FRMD4B: variants seen among roughly 807,000 people sequenced by gnomAD.
The protein encoded by FRMD4B is FERM domain containing 4B.
A neutral mutation model predicts 141.5 loss-of-function variants in FRMD4B; 74 were observed. The ratio of observed to expected loss-of-function variants is 0.52; its 90% CI spans 0.43 to 0.63. The LOEUF (loss-of-function observed/expected upper bound fraction) is 0.63, where lower values mean the gene tolerates loss of function less well. FRMD4B is among the 30% of genes least tolerant of loss of function. The probability of loss-of-function intolerance (pLI) is 0.00; values close to 1 mark genes in which losing one functional copy is unlikely to be tolerated. For synonymous variants in FRMD4B, 506 were observed against 467.9 expected (o/e 1.08, Z -1.05); for missense variants, 1,366 against 1,253.4 (o/e 1.09, Z -1.36).
intron 1 of FRMD4B, among the ~76,000 whole-genome samples, chr3:69,356,980 C>T (rs1053548312): frequency 1.3e-5 from 2 of 152,134 alleles, no homozygotes; most frequent in African/African-American, 4.8e-5. Flanking sequence ...ACAAAAATAT[C>T]CTATCTAATA....
At chr3:69,357,372 G>A (rs1320939207) in intron 1 of FRMD4B, among the ~76,000 whole-genome samples, 1 of 152,196 alleles carries the variant, frequency 6.6e-6, no homozygotes, top group Non-Finnish European at 1.5e-5. Flanking sequence ...GTAGACTTGG[G>A]GAGCCCTGTT....
At chr3:69,207,357 A>C (rs984292470) in intron 11 of FRMD4B, among the ~76,000 whole-genome samples, 5 of 151,008 alleles carry the variant, frequency 3.3e-5, no homozygotes, top group African/African-American at 7.3e-5. Context: ...TTTACTGTTT[A>C]TGCCTCTTCA....
chr3:69,236,591 G>A (rs998153124), intron 7 of FRMD4B, among the ~76,000 whole-genome samples: 14 of 152,048 alleles, frequency 9.2e-5, no homozygotes, highest in African/African-American at 2.9e-4. Flanking sequence ...AGTCATTTTC[G>A]GCAGAACCTT....
intron 5 of FRMD4B, among the ~76,000 whole-genome samples, chr3:69,256,103 A>T (rs2093491030): frequency 6.6e-6 from 1 of 152,100 alleles, no homozygotes; most frequent in African/African-American, 2.4e-5. Flanking sequence ...CCTTAAAAAA[A>T]ATAAAAGGTT....
At chr3:69,451,788 A>G (rs931090338) in intron 1 of FRMD4B, among the ~76,000 whole-genome samples, 6 of 152,168 alleles carry the variant, frequency 3.9e-5, no homozygotes, top group Non-Finnish European at 1.5e-5. Context: ...TTAAAAAAAC[A>G]CCAGTCCCAG....
At chr3:69,446,911 G>A (rs1372684227) in intron 1 of FRMD4B, among the ~76,000 whole-genome samples, 2 of 152,180 alleles carry the variant, frequency 1.3e-5, no homozygotes, top group East Asian at 3.9e-4. Context: ...GGGAATGATT[G>A]TGTAGGTAGT....
chr3:69,524,793 T>C (rs1009986498), intron 1 of FRMD4B, among the ~76,000 whole-genome samples: 1 of 152,218 alleles, frequency 6.6e-6, no homozygotes, highest in Admixed American at 6.5e-5. Flanking sequence ...CTTGGTCACA[T>C]GGCCACACCA....
At chr3:69,315,646 A>T (rs1440160794) in intron 1 of FRMD4B, among the ~76,000 whole-genome samples, 2 of 152,238 alleles carry the variant, frequency 1.3e-5, no homozygotes, top group Admixed American at 1.3e-4. Flanking sequence ...GTCAGCACAT[A>T]TAGATGGACC....
chr3:69,172,109 A>C, intron 22 of FRMD4B, 128 bp from the exon 23 acceptor site: 1 of 748,460 alleles, frequency 1.3e-6, no homozygotes, highest in South Asian at 1.6e-5. Context: ...TGTAGAGATA[A>C]GGGAAAGGAG....
Position 69,180,979 on chromosome 3 carries a change from C to G in FRMD4B, c.2771G>C (p.Arg924Thr), listed in dbSNP as rs761825533. ...AAACCCCAGGCATCTCTGTGATCCC[C>G]TGTCTGAGTCAAAGCTGGTCTGCGG... The part of the protein sequence containing the change: ...HSPQTSFDSD[R>T]GSQRCLGFAG... Residue 924 changes from arginine to threonine, a missense_variant, in exon 21 of 23, where the codon AGG becomes ACG. Transcript: ENST00000398540. 1 of 1,614,016 alleles carries G rather than the reference C, an allele frequency of 6.2e-7. No homozygotes were observed. Among genetic ancestry groups the G allele is most frequent in the South Asian group, 1.1e-5 (1 of 91,088 alleles).
rs76675871 is a variant in FRMD4B at position 69,524,671 on chromosome 3, C to A, written c.-129+17535G>T. 8.5e-3 allele frequency among the ~76,000 whole-genome samples: 1,294 copies of A among 152,236 alleles called. 21 individuals carry two copies. The highest frequency in any genetic ancestry group is 0.029 in the African/African-American group (1,192 of 41,522). ...CTATGGTTAAAGATGGCTCTCCACACCTCCTTAATCTAGCTCAAGGGAAGG... is the reference window on the plus strand; with the variant it reads ...CTATGGTTAAAGATGGCTCTCCACAACTCCTTAATCTAGCTCAAGGGAAGG... On this transcript the variant is annotated intron_variant, in intron 1 of 5. Coordinates refer to the FRMD4B transcript ENST00000459638.
intron 1 of FRMD4B, among the ~76,000 whole-genome samples, chr3:69,321,873 C>A (rs1031268156): frequency 6.6e-6 from 1 of 152,104 alleles, no homozygotes; most frequent in Non-Finnish European, 1.5e-5. Flanking sequence ...TGCCACCACA[C>A]CTGGCTAATT....
At chr3:69,397,275 C>T (rs771428865) in intron 2 of FRMD4B, among the ~76,000 whole-genome samples, 47 of 151,912 alleles carry the variant, frequency 3.1e-4, no homozygotes, top group Non-Finnish European at 5.1e-4. Context: ...GCCACATATC[C>T]ACAGAGACAG....
At chr3:69,260,507 C>A (rs1019464217) in intron 5 of FRMD4B, among the ~76,000 whole-genome samples, 2 of 152,230 alleles carry the variant, frequency 1.3e-5, no homozygotes, top group African/African-American at 4.8e-5. Flanking sequence ...CAGCCACCTC[C>A]CCATGGGGCA....
intron 7 of FRMD4B, among the ~76,000 whole-genome samples, chr3:69,237,782 G>C (rs1324976726): frequency 4.6e-5 from 7 of 152,228 alleles, no homozygotes; most frequent in Non-Finnish European, 8.8e-5. Context: ...CCAGGCTAGA[G>C]TGCAGTGGCG....
At chr3:69,358,676 C>T (rs370163924) in intron 1 of FRMD4B, among the ~76,000 whole-genome samples, 7 of 152,252 alleles carry the variant, frequency 4.6e-5, no homozygotes, top group African/African-American at 1.4e-4. Flanking sequence ...GTTGAGGCTG[C>T]AGTGAGCCAA....
chr3:69,227,832 T>A (rs2093269196), intron 7 of FRMD4B, among the ~76,000 whole-genome samples: 1 of 151,454 alleles, frequency 6.6e-6, no homozygotes, highest in African/African-American at 2.4e-5. Context: ...ACACAAAGAG[T>A]GAACCCTAAT....
upstream of FRMD4B, among the ~76,000 whole-genome samples, chr3:69,386,784 C>G (rs1357215746): frequency 6.6e-6 from 1 of 152,138 alleles, no homozygotes. Flanking sequence ...TTCCTCACAC[C>G]AAGATGCTGC....
At chr3:69,383,050 C>T (rs1432605297) in intron 1 of FRMD4B, among the ~76,000 whole-genome samples, 1 of 147,042 alleles carries the variant, frequency 6.8e-6, no homozygotes, top group Non-Finnish European at 1.5e-5. Flanking sequence ...TGGATGCTTT[C>T]TAAACTCCAG....
Sources: allele counts gnomAD v4.1 joint callset (sites outside exome capture counted in the v4.1 genomes callset), GRCh38; gene constraint gnomAD v4.1.1; transcripts MANE v1.5; gene names NCBI Gene and HGNC (gene_info 2026-07-23, HGNC 2026-07-21).